The following HSF2BP variants were observed in gnomAD, a reference collection of about 807,000 sequenced individuals.
HSF2BP encodes the protein heat shock transcription factor 2 binding protein, also known as heat shock factor 2-binding protein.
A neutral mutation model predicts 35.0 loss-of-function variants in HSF2BP; 35 were observed. That is an observed-to-expected ratio of 1.00 (90% CI 0.76 to 1.32). The LOEUF (loss-of-function observed/expected upper bound fraction) is 1.32. Among genes scored for constraint, HSF2BP ranks in the 40% most tolerant of loss-of-function variants. HSF2BP has a pLI of 0.00. For missense variants in HSF2BP, 326 were observed against 321.7 expected, an observed-to-expected ratio of 1.01 and a Z score of -0.10; for synonymous variants, 114 against 117.4, an observed-to-expected ratio of 0.97 and a Z score of 0.18.
intron 7 of HSF2BP, among the ~76,000 whole-genome samples, chr21:43,599,595 A>C (rs1303667669): frequency 6.6e-6 from 1 of 152,030 alleles, no homozygotes; most frequent in Non-Finnish European, 1.5e-5. Flanking sequence ...GGAGTTCGAG[A>C]CCAGCCTGGC....
intron 6 of HSF2BP, among the ~76,000 whole-genome samples, 185 bp from the exon 7 acceptor site, chr21:43,614,132 G>C (rs569015021): frequency 4.6e-5 from 7 of 152,142 alleles, no homozygotes; most frequent in African/African-American, 1.4e-4. Flanking sequence ...GAGAGACTGA[G>C]GTGGGAGGAC....
At chr21:43,645,630 T>C (rs1239085612) in intron 3 of HSF2BP, among the ~76,000 whole-genome samples, 3 of 152,232 alleles carry the variant, frequency 2.0e-5, no homozygotes, top group Admixed American at 6.5e-5. Context: ...CAACTCTGGT[T>C]ATCTGTTTCA....
intron 2 of HSF2BP, 69 bp downstream of exon 2, chr21:43,657,992 C>T: frequency 1.3e-6 from 2 of 1,531,826 alleles, no homozygotes; most frequent in Non-Finnish European, 1.7e-6. Flanking sequence ...GCGCACGGGG[C>T]GAGGCCCTGA....
chr21:43,656,630 C>T lies in HSF2BP; in HGVS notation c.144G>A (p.Gly48=), dbSNP rs753195503. ...ATTTCTGGAAGCTCTCCAGCACCTC[C>T]CCATTTAGTATTCTGGGTAAGAAGT... is the stretch of plus-strand genomic sequence containing the variant. The part of the protein sequence containing the change: ...IRDFLPRILN[G]EVLESFQKLK... The change falls in exon 3 of 9, where the codon GGG becomes GGA. Residue 48 remains glycine, a synonymous_variant. Coordinates refer to ENST00000291560, the MANE Select transcript of HSF2BP (RefSeq NM_007031.2). 35 of 1,613,692 alleles carry T rather than the reference C, an allele frequency of 2.2e-5. No homozygotes were observed. Among genetic ancestry groups the T allele is most frequent in the South Asian group, 1.1e-4 (10 of 90,910 alleles).
chr21:43,596,776 C>T (rs963355429), intron 7 of HSF2BP, among the ~76,000 whole-genome samples: 3 of 151,340 alleles, frequency 2.0e-5, no homozygotes, highest in East Asian at 1.9e-4. Flanking sequence ...CTCAGCTACT[C>T]GGAAGGCTGA....
In HSF2BP at chr21:43,597,499, C is replaced by G; in HGVS notation, c.693-5171G>C. 6.6e-6 allele frequency among the ~76,000 whole-genome samples: 1 copy of G among 152,118 alleles called. No individual in the cohort carries two copies. Among genetic ancestry groups the G allele is most frequent in the South Asian group, 2.1e-4 (1 of 4,820 alleles). Reference sequence around the variant, plus strand: ...TTTTAAAAAAATATATTAAAAATGCCCTAATAAGCAAAACTTTAATTTTTT... The same window carrying G: ...TTTTAAAAAAATATATTAAAAATGCGCTAATAAGCAAAACTTTAATTTTTT... On this transcript the variant is annotated intron_variant, in intron 7 of 8. Coordinates refer to ENST00000291560, the MANE Select transcript of HSF2BP (RefSeq NM_007031.2). This position sits in a 1 kb window ranked among gnomAD's most constrained non-coding sequence, Gnocchi z 4.3.
chr21:43,634,292 G>A (rs898830368), intron 4 of HSF2BP, among the ~76,000 whole-genome samples: 6 of 152,150 alleles, frequency 3.9e-5, no homozygotes, highest in Non-Finnish European at 7.4e-5. Context: ...ACACTTCGAG[G>A]ATTCACCTTG....
intron 7 of HSF2BP, among the ~76,000 whole-genome samples, chr21:43,605,363 A>G (rs755828331): frequency 1.4e-4 from 19 of 139,924 alleles, no homozygotes; most frequent in Non-Finnish European, 2.9e-4. Context: ...AACACACATC[A>G]CCCACCCCCC....
intron 7 of HSF2BP, among the ~76,000 whole-genome samples, chr21:43,612,120 G>A (rs2082212624): frequency 6.6e-6 from 1 of 152,196 alleles, no homozygotes; most frequent in Non-Finnish European, 1.5e-5. Flanking sequence ...GAAAAGGCTG[G>A]CTGGAATCTG....
intron 4 of HSF2BP, among the ~76,000 whole-genome samples, chr21:43,642,705 C>T (rs567375011): frequency 2.6e-5 from 4 of 152,182 alleles, no homozygotes; most frequent in African/African-American, 9.6e-5. Context: ...GGTCAAAGTT[C>T]CAGGGCAACA....
rs1411607945 is a variant in HSF2BP, at chr21:43,582,462, C to T, written c.796+9763G>A. 6.4e-4 allele frequency among the ~76,000 whole-genome samples: 91 copies of T among 143,048 alleles called. 3 individuals are homozygous for T. The highest frequency in any genetic ancestry group is 1.1e-3 in the Non-Finnish European group (73 of 65,982). 93.8% of individuals were successfully genotyped at this position (143,048 alleles called of 152,430 possible). ...AGTACCTGTTGAGGGAGATGAGGGC[C>T]GGCTGAGGGAGATGAAGGGCCTGCT... On this transcript the variant is annotated intron_variant, in intron 8 of 8. Transcript: ENST00000291560.
the HSF2BP span, among the ~76,000 whole-genome samples, chr21:43,506,211 C>A: frequency 2.5e-5 from 3 of 119,184 alleles, 1 homozygote; most frequent in African/African-American, 9.9e-5. Context: ...TCCAAGGGAC[C>A]CATCTGCGCA....
the HSF2BP span, among the ~76,000 whole-genome samples, chr21:43,496,065 ACACT>A: frequency 7.4e-6 from 1 of 135,164 alleles, no homozygotes; most frequent in African/African-American, 2.7e-5. Context: ...CCCCTGCCAC[ACACT>A]ATCACTCACA....
At chr21:43,587,597 G>A (rs1462362380) in intron 8 of HSF2BP, among the ~76,000 whole-genome samples, 9 of 150,240 alleles carry the variant, frequency 6.0e-5, no homozygotes, top group Non-Finnish European at 3.0e-5. Flanking sequence ...GCCGGGAGGC[G>A]GAGGTTGTGG....
chr21:43,653,202 G>A (rs113702987), intron 3 of HSF2BP, among the ~76,000 whole-genome samples: 20 of 17,104 alleles, frequency 1.2e-3, no homozygotes, highest in African/African-American at 4.9e-3. Flanking sequence ...AAGGGAAGGG[G>A]AAGGGAAGGG....
At chr21:43,612,723 G>A (rs1387515585) in intron 7 of HSF2BP, among the ~76,000 whole-genome samples, 1 of 151,346 alleles carries the variant, frequency 6.6e-6, no homozygotes, top group Non-Finnish European at 1.5e-5. Context: ...CAGCTACTCA[G>A]GAGGCTGAGG....
intron 4 of HSF2BP, among the ~76,000 whole-genome samples, chr21:43,634,608 A>G (rs1457390170): frequency 1.3e-5 from 2 of 152,154 alleles, no homozygotes; most frequent in East Asian, 1.9e-4. Flanking sequence ...TGACCTCATA[A>G]CTTGGATTAG....
At chr21:43,626,023 C>G (rs368091570) in intron 6 of HSF2BP, among the ~76,000 whole-genome samples, 1 of 152,108 alleles carries the variant, frequency 6.6e-6, no homozygotes, top group East Asian at 1.9e-4. Context: ...TTTGCAAATG[C>G]CTTCTGTTAA....
chr21:43,647,371 C>T (rs921919764), intron 3 of HSF2BP, among the ~76,000 whole-genome samples: 2 of 151,974 alleles, frequency 1.3e-5, no homozygotes, highest in African/African-American at 2.4e-5. Flanking sequence ...GGACTACAGG[C>T]GCCTGCCACC....
Sources: allele counts gnomAD v4.1 joint callset (sites outside exome capture counted in the v4.1 genomes callset), GRCh38; gene constraint gnomAD v4.1.1; non-coding constraint Gnocchi (gnomAD v3.1); transcripts MANE v1.5; gene names NCBI Gene and HGNC (gene_info 2026-07-23, HGNC 2026-07-21).